Variants in PRMT8 observed in about 807,000 individuals in gnomAD.
PRMT8 encodes the protein protein arginine N-methyltransferase 8.
In PRMT8, 7 loss-of-function variants were observed where a neutral mutation model predicts 47.1. That is an observed-to-expected ratio of 0.15 (90% CI 0.08 to 0.28). The LOEUF is 0.28. Among genes scored for constraint, PRMT8 ranks in the 10% least tolerant of loss-of-function variants. The pLI, the probability that PRMT8 is intolerant of heterozygous loss-of-function variation, is 1.00. For synonymous variants in PRMT8, 188 were observed against 186.5 expected (o/e 1.01, Z -0.07); for missense variants, 237 against 505.4 (o/e 0.47, Z 5.09).
chr12:3,585,460 G>A (rs1413516278), intron 8 of PRMT8, among the ~76,000 whole-genome samples: 4 of 136,180 alleles, frequency 2.9e-5, no homozygotes, highest in Admixed American at 8.4e-5. Flanking sequence ...CTGGGCTCAA[G>A]CGATCCTCCT....
At position 3,538,816 on chromosome 12, in the gene PRMT8, T is replaced by G. The variant is rs1289064453; in HGVS notation, c.76-1790T>G. 4 of 503,144 alleles carry G rather than the reference T, an allele frequency of 8.0e-6. No homozygotes were observed. The highest frequency in any genetic ancestry group is 7.7e-5 in the African/African-American group (4 of 51,644). The allele number at this position is 503,144 out of a possible 1,614,324, so 31.2% of individuals were successfully genotyped here. A position where few individuals can be genotyped will look rare whatever the true frequency, so the allele number is the denominator to read the frequency against. ...GAGAGTGGGCACACCTGCTGCATTCTAATGAGGCAGCCCCACTCGCCTTTG... is the reference window on the plus strand; with the variant it reads ...GAGAGTGGGCACACCTGCTGCATTCGAATGAGGCAGCCCCACTCGCCTTTG... On this transcript the variant is annotated intron_variant, in intron 1 of 9. Transcript: ENST00000382622. The surrounding 1 kb of genome is among the most constrained non-coding windows in gnomAD (Gnocchi z 4.6).
chr12:3,432,636 G>C (rs1864693772), intron 1 of PRMT8, among the ~76,000 whole-genome samples: 3 of 151,980 alleles, frequency 2.0e-5, no homozygotes, highest in Non-Finnish European at 1.5e-5. Context: ...GGTGAGAAAG[G>C]CTCTCTGGGC....
At chr12:3,505,335 G>C (rs1212454797) in intron 1 of PRMT8, among the ~76,000 whole-genome samples, 1 of 152,166 alleles carries the variant, frequency 6.6e-6, no homozygotes, top group African/African-American at 2.4e-5. Flanking sequence ...TACTCAACAC[G>C]GTGCCCGCCA....
intron 1 of PRMT8, among the ~76,000 whole-genome samples, chr12:3,510,607 T>C (rs904776513): frequency 6.6e-6 from 1 of 152,152 alleles, no homozygotes; most frequent in African/African-American, 2.4e-5. Context: ...TACTCGAAGA[T>C]GTAAAGAAAA....
intron 6 of PRMT8, among the ~76,000 whole-genome samples, chr12:3,575,305 G>A (rs1866918284): frequency 6.6e-6 from 1 of 152,146 alleles, no homozygotes; most frequent in African/African-American, 2.4e-5. Context: ...GTTCCCTAAG[G>A]TCCTGTTTGT....
intron 1 of PRMT8, among the ~76,000 whole-genome samples, chr12:3,397,548 T>C (rs1233020687): frequency 6.6e-6 from 1 of 151,404 alleles, no homozygotes; most frequent in East Asian, 1.9e-4. Context: ...GGGACCCACT[T>C]GAGGAGGCAG....
intron 1 of PRMT8, among the ~76,000 whole-genome samples, chr12:3,401,101 C>G (rs372965615): frequency 1.4e-5 from 2 of 141,794 alleles, no homozygotes; most frequent in Non-Finnish European, 3.0e-5. Flanking sequence ...GAGCTGAGAT[C>G]GCACCATTAC....
chr12:3,564,768 C>T lies in PRMT8; in HGVS notation c.482-3938C>T, dbSNP rs918309151. On this transcript the variant is annotated intron_variant, in intron 4 of 9. Coordinates refer to ENST00000382622, the MANE Select transcript of PRMT8 (RefSeq NM_019854.5). This position sits in a 1 kb window ranked among gnomAD's most constrained non-coding sequence, Gnocchi z 4.0. Reference sequence around the variant, plus strand: ...TCTGCAGCCTACGGCTGCTCGGAATCTTAATATCAATAGCTTAGACCCCCT... The same window carrying T: ...TCTGCAGCCTACGGCTGCTCGGAATTTTAATATCAATAGCTTAGACCCCCT... 9.2e-5 allele frequency among the ~76,000 whole-genome samples: 14 copies of T among 152,242 alleles called. No homozygotes were observed. The highest frequency in any genetic ancestry group is 3.1e-4 in the African/African-American group (13 of 41,462).
At chr12:3,437,622 CTATATA>C (rs57504454) in intron 1 of PRMT8, among the ~76,000 whole-genome samples, 80,655 of 142,676 alleles carry the variant, frequency 0.57, 24,073 homozygotes, top group East Asian at 0.76. Flanking sequence ...TGCATTCAGG[CTATATA>C]TATATATATA....
intron 1 of PRMT8, among the ~76,000 whole-genome samples, chr12:3,406,319 T>C (rs1003129890): frequency 3.3e-5 from 5 of 152,276 alleles, no homozygotes; most frequent in South Asian, 4.1e-4. Flanking sequence ...GAGGGGCTGC[T>C]GTGAAGGTCT....
At chr12:3,432,904 G>T (rs143632462) in intron 1 of PRMT8, among the ~76,000 whole-genome samples, 13 of 152,286 alleles carry the variant, frequency 8.5e-5, no homozygotes, top group African/African-American at 3.1e-4. Context: ...AGGTGAAAGG[G>T]ATCGTCCTAT....
intron 1 of PRMT8, among the ~76,000 whole-genome samples, chr12:3,399,824 A>C (rs1864299093): frequency 6.6e-6 from 1 of 152,238 alleles, no homozygotes; most frequent in African/African-American, 2.4e-5. Flanking sequence ...ATAATAATAC[A>C]AGGATTTGGG....
chr12:3,417,647 A>G (rs535439341), intron 1 of PRMT8, among the ~76,000 whole-genome samples: 1 of 152,326 alleles, frequency 6.6e-6, no homozygotes, highest in African/African-American at 2.4e-5. Context: ...AGCTTAAAAT[A>G]TGACCTGTAC....
chr12:3,391,851 T>C (rs1864195831), intron 1 of PRMT8, among the ~76,000 whole-genome samples: 1 of 152,128 alleles, frequency 6.6e-6, no homozygotes, highest in Non-Finnish European at 1.5e-5. Context: ...CCAACTGAAC[T>C]AGGGTGCAGA....
chr12:3,407,001 A>T (rs1165440099), intron 1 of PRMT8, among the ~76,000 whole-genome samples: 1 of 152,228 alleles, frequency 6.6e-6, no homozygotes, highest in African/African-American at 2.4e-5. Flanking sequence ...TGGGTAATTT[A>T]TAAAGGAAAG....
At chr12:3,558,346 G>T (rs1264618957) in intron 4 of PRMT8, among the ~76,000 whole-genome samples, 1 of 151,874 alleles carries the variant, frequency 6.6e-6, no homozygotes, top group Non-Finnish European at 1.5e-5. Context: ...GGAATCCTTT[G>T]AGAGTAAGTG....
Position 3,552,747 on chromosome 12 carries a change from TC to T in PRMT8, c.418-901del. The T allele has an allele frequency of 2.1e-6, 1 of 480,824 alleles. No individual in the cohort carries two copies. 29.8% of individuals were successfully genotyped at this position (480,824 alleles called of 1,614,324 possible). A position where few individuals can be genotyped will look rare whatever the true frequency, so the allele number is the denominator to read the frequency against. On this transcript the variant is annotated intron_variant, in intron 3 of 9. Coordinates refer to ENST00000382622, the MANE Select transcript of PRMT8 (RefSeq NM_019854.5). This position sits in a 1 kb window ranked among gnomAD's most constrained non-coding sequence, Gnocchi z 4.5. ...AGGCGTGGCCAGAGGCGTCAGAAAC[TC>T]CCTCAGTGCCCCTTTGCGAGTACTT...
chr12:3,525,684 T>G (rs1865941859), intron 1 of PRMT8, among the ~76,000 whole-genome samples: 1 of 152,160 alleles, frequency 6.6e-6, no homozygotes, highest in Non-Finnish European at 1.5e-5. Context: ...TTAAAAGTCT[T>G]TGATTTGAGA....
chr12:3,507,707 C>T (rs970545318), intron 1 of PRMT8, among the ~76,000 whole-genome samples: 1 of 151,860 alleles, frequency 6.6e-6, no homozygotes, highest in African/African-American at 2.4e-5. Context: ...GAAAATAAAC[C>T]TGTATATAGC....
Sources: allele counts gnomAD v4.1 joint callset (sites outside exome capture counted in the v4.1 genomes callset), GRCh38; gene constraint gnomAD v4.1.1; non-coding constraint Gnocchi (gnomAD v3.1); transcripts MANE v1.5; gene names NCBI Gene and HGNC (gene_info 2026-07-23, HGNC 2026-07-21).